UNC80: variants seen among roughly 807,000 people sequenced by gnomAD.
UNC80 encodes the protein protein unc-80 homolog.
In UNC80, 164 loss-of-function variants were observed where a neutral mutation model predicts 384.6. The observed-to-expected ratio is 0.43, with a 90% CI of 0.38 to 0.49. The LOEUF (loss-of-function observed/expected upper bound fraction) is 0.49, where lower values mean the gene tolerates loss of function less well. UNC80 is among the 20% of genes least tolerant of loss of function. UNC80 has a pLI of 0.00. For missense variants in UNC80, 3,330 were observed against 4,143.0 expected (o/e 0.80, Z 5.39); for synonymous variants, 1,486 against 1,527.8 (o/e 0.97, Z 0.64).
Position 209,826,058 on chromosome 2 carries a change from G to A in UNC80, c.2478+5G>A. 6.5e-7 allele frequency: 1 copy of A among 1,546,918 alleles called. No individual in the cohort carries two copies. The highest frequency in any genetic ancestry group is 1.2e-5 in the South Asian group (1 of 83,012). The stretch of plus-strand genomic sequence containing the variant: ...CACCAGGTATTCCGAGAGAATGTAA[G>A]AGAATTAAAGTAGATTCCATTTCCT... On this transcript the variant is annotated splice_donor_5th_base_variant and intron_variant, in intron 14 of 64. Transcript: ENST00000673920.
At chr2:209,868,769 G>A (rs1381603826) in intron 22 of UNC80, among the ~76,000 whole-genome samples, 1 of 152,136 alleles carries the variant, frequency 6.6e-6, no homozygotes, top group Non-Finnish European at 1.5e-5. Flanking sequence ...CCTCATACAA[G>A]ATTGAACTAT....
chr2:209,778,002 A>G (rs904597337), intron 4 of UNC80, among the ~76,000 whole-genome samples: 2 of 152,134 alleles, frequency 1.3e-5, no homozygotes, highest in African/African-American at 4.8e-5. Flanking sequence ...TGCAACTTTA[A>G]TATCATATTT....
intron 25 of UNC80, among the ~76,000 whole-genome samples, chr2:209,884,951 C>T (rs1016919443): frequency 6.6e-6 from 1 of 151,982 alleles, no homozygotes; most frequent in African/African-American, 2.4e-5. Flanking sequence ...GCATGCAGGG[C>T]TCAATACTTC....
At chr2:209,868,970 A>C (rs1308107556) in intron 22 of UNC80, 2 of 152,216 alleles carry the variant, frequency 1.3e-5, no homozygotes, top group Non-Finnish European at 2.9e-5. Context: ...CATGTTAATA[A>C]GAAAGAAGAA....
At chr2:209,855,652 T>C (rs1427714337) in intron 22 of UNC80, among the ~76,000 whole-genome samples, 1 of 152,168 alleles carries the variant, frequency 6.6e-6, no homozygotes, top group Non-Finnish European at 1.5e-5. Flanking sequence ...ATCTTTCTTG[T>C]GCTTTATTTT....
intron 22 of UNC80, among the ~76,000 whole-genome samples, chr2:209,870,918 T>C (rs1327839644): frequency 2.0e-5 from 3 of 152,106 alleles, no homozygotes; most frequent in Non-Finnish European, 4.4e-5. Flanking sequence ...GTTTCAAGGC[T>C]CTGCAAGCCG....
intron 4 of UNC80, among the ~76,000 whole-genome samples, chr2:209,782,226 G>A (rs1163115370): frequency 1.3e-5 from 2 of 152,202 alleles, no homozygotes; most frequent in African/African-American, 4.8e-5. Flanking sequence ...CATACAGAGA[G>A]TACAACTCCA....
Position 209,977,092 on chromosome 2 carries a change from A to G in UNC80, c.8938+14A>G, listed in dbSNP as rs1375058934. ...ATAGTGGATCAGGTGAGTGTGCATG[A>G]GAGTGTTGTGAATTTGTTTGACTAA... On this transcript the variant is annotated intron_variant, in intron 58 of 64. Transcript: ENST00000673920. 1 of 1,476,974 alleles carries G rather than the reference A, an allele frequency of 6.8e-7. No homozygotes were observed. The highest frequency in any genetic ancestry group is 2.0e-5 in the Admixed American group (1 of 49,796). The allele number at this position is 1,476,974 out of a possible 1,614,324, so 91.5% of individuals were successfully genotyped here.
At chr2:209,788,833 G>A (rs1351914736) in intron 5 of UNC80, among the ~76,000 whole-genome samples, 1 of 151,992 alleles carries the variant, frequency 6.6e-6, no homozygotes, top group South Asian at 2.1e-4. Context: ...GATAAATTTA[G>A]CATTGCCTTC....
intron 2 of UNC80, among the ~76,000 whole-genome samples, chr2:209,774,976 A>G (rs2076783547): frequency 6.6e-6 from 1 of 152,212 alleles, no homozygotes; most frequent in African/African-American, 2.4e-5. Flanking sequence ...CAGTTTGAAC[A>G]CTTGGGACTT....
intron 21 of UNC80, among the ~76,000 whole-genome samples, chr2:209,848,982 T>G (rs1479715670): frequency 6.6e-6 from 1 of 152,118 alleles, no homozygotes; most frequent in Admixed American, 6.5e-5. Flanking sequence ...AGGTTTTTCC[T>G]TTCACCACAG....
chr2:209,936,638 G>GTA (rs764320691), intron 40 of UNC80, among the ~76,000 whole-genome samples: 33 of 151,642 alleles, frequency 2.2e-4, no homozygotes, highest in Non-Finnish European at 3.1e-4. Flanking sequence ...ATATATATGT[G>GTA]TATATATATA....
Position 209,991,027 on chromosome 2 carries a change from A to G in UNC80, c.9315-1139A>G, listed in dbSNP as rs145947828. On this transcript the variant is annotated intron_variant, in intron 61 of 64. Transcript: ENST00000673920. ...TAACCAATTATTAACACAAAAGGGG[A>G]AACATCTGATTGCCTGTCTCACCAC... is the stretch of plus-strand genomic sequence containing the variant. 8.5e-5 allele frequency among the ~76,000 whole-genome samples: 13 copies of G among 152,324 alleles called. No homozygotes were observed. In the East Asian group the frequency reaches 1.9e-3, roughly 23 times the overall value.
intron 22 of UNC80, among the ~76,000 whole-genome samples, chr2:209,865,741 T>C (rs1376288187): frequency 6.6e-6 from 1 of 152,250 alleles, no homozygotes; most frequent in African/African-American, 2.4e-5. Flanking sequence ...ATTTAACATA[T>C]TCTTTGTTCA....
intron 21 of UNC80, chr2:209,845,092 A>G (rs2082082207): frequency 6.6e-6 from 1 of 151,914 alleles, no homozygotes; most frequent in South Asian, 2.1e-4. Context: ...CTTCTTAAAA[A>G]AAAAAAAAAA....
chr2:209,830,049 A>C (rs994424810), intron 15 of UNC80, among the ~76,000 whole-genome samples: 5 of 152,268 alleles, frequency 3.3e-5, no homozygotes, highest in Non-Finnish European at 7.3e-5. Context: ...ATGCAAATGC[A>C]GCAATGCAAG....
Position 209,939,571 on chromosome 2 carries a change from C to T in UNC80, c.6565C>T (p.Leu2189Phe), listed in dbSNP as rs1388695531. ...TAHKQSHVSMLQEDLLRLPSF... is the reference protein window; with the variant it reads ...TAHKQSHVSMFQEDLLRLPSF... ...CCACAAACAGTCCCACGTCTCCATG[C>T]TTCAGGAAGACCTCCTCCGCCTGCC... Residue 2189 changes from leucine (L) to phenylalanine (F), a missense_variant, in exon 43 of 65, where the codon CTT becomes TTT. Leu to Phe is a conservative substitution (Grantham distance 22). Around this residue, in one of 8 missense-constraint regions of UNC80, gnomAD observed 1,049 missense variants for 1,488.6 expected, o/e 0.70. Coordinates refer to ENST00000673920, the MANE Select transcript of UNC80 (RefSeq NM_001371986.1). 3 of 1,551,878 alleles carry T rather than the reference C, an allele frequency of 1.9e-6. No individual in the cohort carries two copies. The highest frequency in any genetic ancestry group is 3.9e-5 in the Admixed American group (2 of 50,996).
At chr2:209,957,916 T>C (rs2092469524) in intron 49 of UNC80, among the ~76,000 whole-genome samples, 180 bp downstream of exon 49, 1 of 152,204 alleles carries the variant, frequency 6.6e-6, no homozygotes, top group South Asian at 2.1e-4. Context: ...TTTGAAATTG[T>C]CAAAGAGAAA....
Position 209,935,718 on chromosome 2 carries a change from T to C in UNC80, c.6183T>C (p.Thr2061=). The C allele has an allele frequency of 6.6e-7, 1 of 1,518,948 alleles. No individual in the cohort carries two copies. Among genetic ancestry groups the C allele is most frequent in the Non-Finnish European group, 8.8e-7 (1 of 1,133,360 alleles). 94.1% of individuals were successfully genotyped at this position (1,518,948 alleles called of 1,614,324 possible). A position where few individuals can be genotyped will look rare whatever the true frequency, so the allele number is the denominator to read the frequency against. ...KLLVTASMPG[T]KTLVVHGQNE... is the part of the protein sequence containing the mutation. ...TATTATTTTTATCATCTGTAGGTAC[T>C]AAAACCTTGGTAGTTCATGGACAGA... The change falls in exon 40 of 65, where the codon ACT becomes ACC. Residue 2061 remains threonine (T), a synonymous_variant. Coordinates refer to ENST00000673920, the MANE Select transcript of UNC80 (RefSeq NM_001371986.1).
Sources: allele counts gnomAD v4.1 joint callset (sites outside exome capture counted in the v4.1 genomes callset), GRCh38; gene constraint gnomAD v4.1.1; regional missense constraint gnomAD v4.1.1; transcripts MANE v1.5; gene names NCBI Gene and HGNC (gene_info 2026-07-23, HGNC 2026-07-21).